The following ST18 variants were observed in gnomAD, a reference collection of about 807,000 sequenced individuals.
ST18 encodes suppression of tumorigenicity 18 protein.
In ST18, 50 loss-of-function variants were observed where a neutral mutation model predicts 110.0. The observed-to-expected ratio is 0.45, with a 90% CI of 0.36 to 0.58. The LOEUF (loss-of-function observed/expected upper bound fraction) is 0.58, where lower values mean the gene tolerates loss of function less well. Ranked by LOEUF, ST18 falls within the 20% of genes least tolerant of loss-of-function variation. The pLI is 0.00. For synonymous variants in ST18, 461 were observed against 452.4 expected (o/e 1.02, Z -0.24); for missense variants, 1,306 against 1,280.1 (o/e 1.02, Z -0.31).
chr8:52,341,388 A>G (rs2140202301), intron 2 of ST18, among the ~76,000 whole-genome samples: 1 of 152,342 alleles, frequency 6.6e-6, no homozygotes, highest in Admixed American at 6.5e-5. Context: ...AAAATTTGCT[A>G]AGACTTGGAG....
intron 2 of ST18, among the ~76,000 whole-genome samples, chr8:52,382,377 T>A (rs980333472): frequency 6.6e-6 from 1 of 151,846 alleles, no homozygotes; most frequent in Non-Finnish European, 1.5e-5. Flanking sequence ...GAAAAAAAAA[T>A]AAGAAGCAAA....
intron 8 of ST18, among the ~76,000 whole-genome samples, chr8:52,202,289 A>G (rs2078255208): frequency 6.6e-6 from 1 of 152,232 alleles, no homozygotes; most frequent in Admixed American, 6.5e-5. Flanking sequence ...AAACAGGGGT[A>G]GATAATGTAA....
rs571319788 is a variant in ST18, at chr8:52,184,732, A to T, written c.87-4420T>A. 1.4e-4 allele frequency among the ~76,000 whole-genome samples: 21 copies of T among 152,344 alleles called. No individual in the cohort carries two copies. In the South Asian group the frequency reaches 4.1e-3, roughly 30 times the overall value. ...TTCAGAAGTTATGTAACATAGTTTT[A>T]AAATGTAGGTTCAGCAATAGATACA... On this transcript the variant is annotated intron_variant, in intron 8 of 25. Transcript: ENST00000689386.
Position 52,194,168 on chromosome 8 carries a change from C to T in ST18, c.87-13856G>A, listed in dbSNP as rs569644909. Among the ~76,000 whole-genome samples the T allele has an allele frequency of 2.0e-5, 3 of 152,122 alleles. No individual in the cohort carries two copies. In the South Asian group the frequency reaches 6.2e-4, roughly 32 times the overall value. Reference sequence around the variant, plus strand: ...GAATTTTTTTCATAAAATAACCAAGCCATTAAAAGATACAATTTAATAACA... The same window carrying T: ...GAATTTTTTTCATAAAATAACCAAGTCATTAAAAGATACAATTTAATAACA... On this transcript the variant is annotated intron_variant, in intron 8 of 25. Coordinates refer to ENST00000689386, the MANE Select transcript of ST18 (RefSeq NM_001352837.2).
chr8:52,372,471 C>G (rs1467425983), intron 2 of ST18, among the ~76,000 whole-genome samples: 1 of 152,136 alleles, frequency 6.6e-6, no homozygotes, highest in Non-Finnish European at 1.5e-5. Flanking sequence ...TTTCTAAAGT[C>G]TACAGCAGTG....
intron 2 of ST18, among the ~76,000 whole-genome samples, chr8:52,298,809 T>C (rs1017391338): frequency 8.5e-5 from 13 of 152,234 alleles, no homozygotes; most frequent in Non-Finnish European, 1.9e-4. Flanking sequence ...CTCTTCAATC[T>C]TGAAATACTG....
intron 7 of ST18, among the ~76,000 whole-genome samples, chr8:52,213,630 C>T (rs2083023382): frequency 6.6e-6 from 1 of 152,102 alleles, no homozygotes; most frequent in Non-Finnish European, 1.5e-5. Context: ...TTTAGATCAT[C>T]AAGGGCCTGT....
intron 8 of ST18, among the ~76,000 whole-genome samples, chr8:52,208,745 G>C (rs2081060016): frequency 6.6e-6 from 1 of 152,222 alleles, no homozygotes; most frequent in Admixed American, 6.5e-5. Context: ...GTGAGCCCGG[G>C]AGGCGGAGCT....
At chr8:52,205,020 A>G (rs184679560) in intron 8 of ST18, among the ~76,000 whole-genome samples, 87 of 152,200 alleles carry the variant, frequency 5.7e-4, no homozygotes, top group Admixed American at 3.2e-3. Flanking sequence ...TACAGATATT[A>G]AGATTTAAAG....
intron 2 of ST18, among the ~76,000 whole-genome samples, chr8:52,360,246 C>T (rs1369105408): frequency 2.0e-5 from 3 of 151,784 alleles, no homozygotes; most frequent in Non-Finnish European, 2.9e-5. Context: ...AGAGAATTGG[C>T]ATGAAAAATA....
Position 52,159,103 on chromosome 8 carries a change from T to A in ST18, c.1601A>T (p.His534Leu). The A allele has an allele frequency of 6.2e-7, 1 of 1,613,714 alleles. No homozygotes were observed. The highest frequency in any genetic ancestry group is 8.5e-7 in the Non-Finnish European group (1 of 1,179,954). Reference protein sequence around the residue: ...RKTPPFPESKHFPNPVKFPNR... With the variant: ...RKTPPFPESKLFPNPVKFPNR... ...AGGAAATTTCACTGGATTTGGAAAA[T>A]GCTTTGCTGTTGAAGAGAGATTTGA... is the stretch of plus-strand genomic sequence containing the variant. The change falls in exon 15 of 26, where the codon CAT becomes CTT. Residue 534 changes from histidine to leucine, a missense_variant. His to Leu is a moderately conservative substitution (Grantham distance 99, BLOSUM62 -3). Transcript: ENST00000689386.
intron 2 of ST18, among the ~76,000 whole-genome samples, chr8:52,271,623 GTTA>G (rs2095080522): frequency 6.6e-6 from 1 of 152,166 alleles, no homozygotes; most frequent in Non-Finnish European, 1.5e-5. Flanking sequence ...CCACCCATGC[GTTA>G]TTAATACCTC....
At chr8:52,279,976 A>C (rs2095344571) in intron 2 of ST18, among the ~76,000 whole-genome samples, 1 of 152,154 alleles carries the variant, frequency 6.6e-6, no homozygotes. Flanking sequence ...CAATGCTAGA[A>C]AGAATAAGAC....
chr8:52,348,406 A>G lies in ST18; in HGVS notation c.-465+60922T>C, dbSNP rs533370401. Among the ~76,000 whole-genome samples, 2 of 152,224 alleles carry G rather than the reference A, an allele frequency of 1.3e-5. 1 individual carries two copies. Among genetic ancestry groups the G allele is most frequent in the South Asian group, 4.1e-4 (2 of 4,824 alleles). On this transcript the variant is annotated intron_variant, in intron 2 of 25. Transcript: ENST00000689386. ...TTCAAAACAGCAGACATGCCCCACC[A>G]CTGTCCTGTCTTCTTCTATTTTTTA...
chr8:52,260,299 T>C (rs972460576), intron 2 of ST18, among the ~76,000 whole-genome samples: 1 of 152,226 alleles, frequency 6.6e-6, no homozygotes, highest in Non-Finnish European at 1.5e-5. Context: ...ATTATGTCTA[T>C]ATTTATATCT....
At chr8:52,325,601 T>TA (rs1001164462) in intron 2 of ST18, among the ~76,000 whole-genome samples, 2 of 152,208 alleles carry the variant, frequency 1.3e-5, no homozygotes, top group African/African-American at 2.4e-5. Context: ...AATGTAATTT[T>TA]AAAAAAATGG....
intron 2 of ST18, among the ~76,000 whole-genome samples, chr8:52,357,674 T>C (rs1271333211): frequency 1.4e-5 from 1 of 73,368 alleles, no homozygotes; most frequent in African/African-American, 5.5e-5. Context: ...CCAAAATCTA[T>C]AAATATATAT....
chr8:52,201,612 A>G (rs892515653), intron 8 of ST18, among the ~76,000 whole-genome samples: 1 of 132,370 alleles, frequency 7.6e-6, no homozygotes, highest in African/African-American at 3.8e-5. Flanking sequence ...AGAAACAAAA[A>G]ACAAAAAAAC....
chr8:52,137,382 G>T (rs1351792568), intron 18 of ST18, 39 bp downstream of exon 18: 1 of 1,606,610 alleles, frequency 6.2e-7, no homozygotes, highest in African/African-American at 1.3e-5. Context: ...AATAGAACAA[G>T]ACCATGAAAA....
Sources: allele counts gnomAD v4.1 joint callset (sites outside exome capture counted in the v4.1 genomes callset), GRCh38; gene constraint gnomAD v4.1.1; transcripts MANE v1.5; gene names NCBI Gene and HGNC (gene_info 2026-07-23, HGNC 2026-07-21).